The following QSER1 variants were observed in gnomAD, a reference collection of about 807,000 sequenced individuals.
The protein encoded by QSER1 is glutamine and serine-rich protein 1.
In QSER1, 49 loss-of-function variants were observed where a neutral mutation model predicts 158.5. The ratio of observed to expected loss-of-function variants is 0.31; its 90% CI spans 0.25 to 0.39. The LOEUF is 0.39. QSER1 is among the 10% of genes least tolerant of loss of function. The pLI is 1.00. For synonymous variants in QSER1, 650 were observed against 715.5 expected (o/e 0.91, Z 1.46); for missense variants, 1,754 against 2,010.3 (o/e 0.87, Z 2.44).
chr11:32,915,948 A>C (rs1590718821), intron 1 of QSER1, among the ~76,000 whole-genome samples: 1 of 148,526 alleles, frequency 6.7e-6, no homozygotes, highest in Non-Finnish European at 1.5e-5. Flanking sequence ...ATGGAGTTTC[A>C]CTCTTGTTGC....
chr11:32,958,004 A>G lies in QSER1; in HGVS notation c.4887A>G (p.Lys1629=), dbSNP rs1852552167. ...TAAAGGCTGAGCCACCACCAAAGAA[A>G]CGGAAAAAATGGAAAGAAGAATTTT... is the stretch of plus-strand genomic sequence containing the variant. ...PKVKAEPPPK[K]RKKWKEEFSS... Residue 1629 remains lysine (K), a synonymous_variant, in exon 8 of 13, where the codon AAA becomes AAG. Transcript: ENST00000650167. 1 of 1,614,016 alleles carries G rather than the reference A, an allele frequency of 6.2e-7. No homozygotes were observed. The highest frequency in any genetic ancestry group is 8.5e-7 in the Non-Finnish European group (1 of 1,180,030).
Position 32,934,533 on chromosome 11 carries a change from T to C in QSER1, c.3275T>C (p.Val1092Ala). 6.2e-7 allele frequency: 1 copy of C among 1,613,580 alleles called. No individual in the cohort carries two copies. Among genetic ancestry groups the C allele is most frequent in the African/African-American group, 1.3e-5 (1 of 75,046 alleles). ...NIPTKVTSAV[V>A]GPSHEVQEQS... Reference sequence around the variant, plus strand: ...CCAACTAAAGTAACTTCAGCAGTGGTTGGACCAAGTCATGAAGTCCAGGAG... The same window carrying C: ...CCAACTAAAGTAACTTCAGCAGTGGCTGGACCAAGTCATGAAGTCCAGGAG... The change falls in exon 4 of 13, where the codon GTT (valine) becomes GCT (alanine). Residue 1092 changes from valine to alanine, a missense_variant. Transcript: ENST00000650167.
rs1852091421 is a variant in QSER1 at position 32,933,703 on chromosome 11, G to A, written c.2445G>A (p.Val815=). The change falls in exon 4 of 13, where the codon GTG becomes GTA. Residue 815 remains valine (V), a synonymous_variant. Coordinates refer to ENST00000650167, the MANE Select transcript of QSER1 (RefSeq NM_001076786.3). The part of the protein sequence containing the change: ...LKQQHPLILK[V]HESKVQEQHD... ...AGCAACATCCTCTCATACTTAAGGT[G>A]CATGAGTCCAAGGTCCAGGAACAGC... 2 of 1,613,912 alleles carry A rather than the reference G, an allele frequency of 1.2e-6. No homozygotes were observed. The highest frequency in any genetic ancestry group is 1.7e-6 in the Non-Finnish European group (2 of 1,179,920).
rs763332122 is a variant in QSER1, at chr11:32,934,219, A to G, written c.2961A>G (p.Thr987=). Residue 987 remains threonine, a synonymous_variant, in exon 4 of 13, where the codon ACA becomes ACG. Coordinates refer to ENST00000650167, the MANE Select transcript of QSER1 (RefSeq NM_001076786.3). ...LSNVDDILAA[T]AAACGVTPTD... ...ATGTAGATGATATCTTAGCAGCTACAGCAGCAGCTTGTGGAGTTACACCTA... is the reference window on the plus strand; with the variant it reads ...ATGTAGATGATATCTTAGCAGCTACGGCAGCAGCTTGTGGAGTTACACCTA... 1 of 1,614,028 alleles carries G rather than the reference A, an allele frequency of 6.2e-7. No individual in the cohort carries two copies. Among genetic ancestry groups the G allele is most frequent in the Non-Finnish European group, 8.5e-7 (1 of 1,179,980 alleles).
In QSER1 at chr11:32,892,937, G is replaced by C. The variant is rs1440031433; in HGVS notation, c.-189G>C. 7.0e-6 allele frequency among the ~76,000 whole-genome samples: 1 copy of C among 142,712 alleles called. No homozygotes were observed. Among genetic ancestry groups the C allele is most frequent in the Non-Finnish European group, 1.5e-5 (1 of 65,298 alleles). 93.6% of individuals were successfully genotyped at this position (142,712 alleles called of 152,430 possible). ...GGGGCCTCGCCGCCCGCCGCGGCCC[G>C]GGTCTTTGCGGCCCAGACTCGCCAG... On this transcript the variant is annotated 5_prime_UTR_variant, in exon 1 of 13. Transcript: ENST00000650167.
At chr11:32,951,494 G>T (rs1412739316) in intron 4 of QSER1, among the ~76,000 whole-genome samples, 3 of 152,108 alleles carry the variant, frequency 2.0e-5, no homozygotes, top group Non-Finnish European at 4.4e-5. Flanking sequence ...TAGGAATTGG[G>T]TTGATTCCAT....
Position 32,979,093 on chromosome 11 carries a change from T to C in QSER1, c.*2619T>C, listed in dbSNP as rs1199870732. 1 of 152,518 alleles carries C rather than the reference T, an allele frequency of 6.6e-6. No individual in the cohort carries two copies. Among genetic ancestry groups the C allele is most frequent in the Admixed American group, 6.5e-5 (1 of 15,282 alleles). 9.4% of individuals were successfully genotyped at this position (152,518 alleles called of 1,614,324 possible). On this transcript the variant is annotated 3_prime_UTR_variant, in exon 13 of 13. Coordinates refer to ENST00000650167, the MANE Select transcript of QSER1 (RefSeq NM_001076786.3). ...TTTGTGTATCTAGACATAGAAAACA[T>C]ACAGTAAGAATATGGTATTATAATC...
At chr11:32,972,190 G>A (rs1214543067) in intron 10 of QSER1, among the ~76,000 whole-genome samples, 4 of 151,912 alleles carry the variant, frequency 2.6e-5, no homozygotes, top group East Asian at 3.9e-4. Flanking sequence ...TGCGCTTATC[G>A]AATTTGGACT....
chr11:32,975,398 C>G (rs758702285), intron 12 of QSER1, 55 bp downstream of exon 12: 1 of 1,595,218 alleles, frequency 6.3e-7, no homozygotes, highest in East Asian at 2.3e-5. Flanking sequence ...TAAGGAGACT[C>G]TAGCCATAGT....
intron 1 of QSER1, among the ~76,000 whole-genome samples, chr11:32,909,878 C>T (rs543446334): frequency 2.8e-4 from 42 of 152,064 alleles, no homozygotes; most frequent in Non-Finnish European, 3.1e-4. Flanking sequence ...CCCTTGGTAT[C>T]GATTTTAGTT....
At position 32,963,437 on chromosome 11, in the gene QSER1, C is replaced by T. The variant is rs936858943; in HGVS notation, c.4970-2863C>T. 1.3e-4 allele frequency among the ~76,000 whole-genome samples: 20 copies of T among 152,116 alleles called. No individual in the cohort carries two copies. The East Asian group carries it at 1.9e-3, about 15-fold the overall frequency. ...GTGGCGCGATCTCGGCTCACTGCAC[C>T]GCCTCCCAGGTTCAAGCGATTCTCC... On this transcript the variant is annotated intron_variant, in intron 8 of 12. Transcript: ENST00000650167.
At chr11:32,896,605 T>C (rs1590703037) in intron 1 of QSER1, among the ~76,000 whole-genome samples, 2 of 152,176 alleles carry the variant, frequency 1.3e-5, no homozygotes. Context: ...GCCAGGCTGG[T>C]CTTGAACTCC....
At position 32,933,204 on chromosome 11, in the gene QSER1, A is replaced by C; in HGVS notation, c.1946A>C (p.Gln649Pro). 1.2e-6 allele frequency: 2 copies of C among 1,614,034 alleles called. No homozygotes were observed. The highest frequency in any genetic ancestry group is 1.7e-6 in the Non-Finnish European group (2 of 1,179,978). The change falls in exon 4 of 13, where the codon CAG becomes CCG. Residue 649 changes from glutamine to proline, a missense_variant. By Grantham distance (76) the Gln-to-Pro change is moderately conservative. Around this residue, in one of 2 missense-constraint regions of QSER1, gnomAD observed 1,707 missense variants for 1,919.6 expected, o/e 0.89. Coordinates refer to ENST00000650167, the MANE Select transcript of QSER1 (RefSeq NM_001076786.3). ...PQSQKFLPAV[Q>P]SSSFASSTHC... ...TCCCAGAAGTTTTTGCCTGCTGTCCAGTCATCATCTTTTGCATCCTCTACT... is the reference window on the plus strand; with the variant it reads ...TCCCAGAAGTTTTTGCCTGCTGTCCCGTCATCATCTTTTGCATCCTCTACT...
chr11:32,934,117 G>T lies in QSER1; in HGVS notation c.2859G>T (p.Lys953Asn), dbSNP rs1376026276. Residue 953 changes from lysine (K) to asparagine (N), a missense_variant, in exon 4 of 13, where the codon AAG (lysine) becomes AAT (asparagine). Physicochemically the swap from Lys to Asn is moderately conservative, Grantham distance 94. This residue lies in a region of QSER1 where 1,707 missense variants were observed against 1,919.6 expected (regional missense o/e 0.89). Transcript: ENST00000650167. ...HFSETNQHDS[K>N]NQFVSLGSMC... ...GTGAAACAAATCAACATGATTCAAA[G>T]AATCAGTTTGTTTCTCTTGGATCGA... 2 of 1,613,914 alleles carry T rather than the reference G, an allele frequency of 1.2e-6. No individual in the cohort carries two copies. The highest frequency in any genetic ancestry group is 1.7e-6 in the Non-Finnish European group (2 of 1,179,930).
intron 4 of QSER1, among the ~76,000 whole-genome samples, chr11:32,939,602 T>C (rs959006839): frequency 2.0e-4 from 31 of 152,180 alleles, no homozygotes; most frequent in African/African-American, 7.5e-4. Flanking sequence ...TGTTCTGTTT[T>C]AGCAGGCAGT....
chr11:32,919,567 A>G (rs1590721751), intron 1 of QSER1, among the ~76,000 whole-genome samples: 1 of 152,182 alleles, frequency 6.6e-6, no homozygotes, highest in African/African-American at 2.4e-5. Flanking sequence ...AACGTGATTT[A>G]TCACTACTGA....
intron 9 of QSER1, among the ~76,000 whole-genome samples, chr11:32,966,731 T>C (rs998868682): frequency 6.6e-5 from 10 of 152,190 alleles, no homozygotes; most frequent in African/African-American, 2.4e-4. Flanking sequence ...TAGTATTACA[T>C]GAAAGGTCTG....
intron 7 of QSER1, among the ~76,000 whole-genome samples, chr11:32,957,120 T>C (rs1447636250): frequency 6.7e-6 from 1 of 149,526 alleles, no homozygotes; most frequent in African/African-American, 2.5e-5. Context: ...TTTTTCTTTT[T>C]TTTCTTTTTT....
chr11:32,958,319 A>AAT (rs1852560599), intron 8 of QSER1, among the ~76,000 whole-genome samples: 1 of 152,224 alleles, frequency 6.6e-6, no homozygotes, highest in African/African-American at 2.4e-5. Context: ...TTACCTTAGT[A>AAT]ATGCCAGTTA....
Sources: gnomAD v4.1 joint callset for allele counts (sites outside exome capture counted in the v4.1 genomes callset) on GRCh38, gnomAD v4.1.1 for gene constraint, gnomAD v4.1.1 regional missense constraint, MANE v1.5 for transcripts, NCBI Gene and HGNC (gene_info 2026-07-23, HGNC 2026-07-21) for gene names.